The following HES7 variants were observed in gnomAD, a reference collection of about 807,000 sequenced individuals.
HES7 encodes the protein transcription factor HES-7.
HES7 carries 8 observed loss-of-function variants against 18.0 expected under a neutral mutation model. The observed-to-expected ratio is 0.45, with a 90% CI of 0.26 to 0.80. The LOEUF is 0.80. Among genes scored for constraint, HES7 ranks in the 30% least tolerant of loss-of-function variants. HES7 has a pLI of 0.18. For missense variants in HES7, 356 were observed against 340.9 expected (o/e 1.04, Z -0.35); for synonymous variants, 170 against 158.6 (o/e 1.07, Z -0.54).
In HES7 at chr17:8,121,984, C is replaced by A. The variant is rs1346333224; in HGVS notation, c.280G>T (p.Ala94Ser). The change falls in exon 4 of 4, where the codon GCC becomes TCC. Residue 94 changes from alanine (A) to serine (S), a missense_variant. Ala to Ser is a moderately conservative substitution (Grantham distance 99). Transcript: ENST00000541682. Reference sequence around the variant, plus strand: ...CGGAAACCGGACAAGTAGCAGCTGGCGAGCGCCTCGGCGTCCTGGACTGGG... The same window carrying A: ...CGGAAACCGGACAAGTAGCAGCTGGAGAGCGCCTCGGCGTCCTGGACTGGG... ...RSPVQDAEAL[A>S]SCYLSGFREC... 1 of 1,535,680 alleles carries A rather than the reference C, an allele frequency of 6.5e-7. No homozygotes were observed. The highest frequency in any genetic ancestry group is 1.4e-5 in the African/African-American group (1 of 70,900).
Position 8,120,962 on chromosome 17 carries a change from G to A in HES7, c.*609C>T, listed in dbSNP as rs904781013. 1.3e-5 allele frequency: 2 copies of A among 152,710 alleles called. No homozygotes were observed. The highest frequency in any genetic ancestry group is 2.4e-5 in the African/African-American group (1 of 41,450). 9.5% of individuals were successfully genotyped at this position (152,710 alleles called of 1,614,324 possible). A position where few individuals can be genotyped will look rare whatever the true frequency, so the allele number is the denominator to read the frequency against. ...CAATGGATAGCGCATTGGACTTCTA[G>A]TGACGAATAGAGCAATTCAAAGGTT... On this transcript the variant is annotated 3_prime_UTR_variant, in exon 4 of 4. Transcript: ENST00000541682.
At position 8,122,034 on chromosome 17, in the gene HES7, G is replaced by C; in HGVS notation, c.230C>G (p.Ala77Gly). Reference protein sequence around the residue: ...RERSRVEPPAAAAPGVPRSPV... With the variant: ...RERSRVEPPAGAAPGVPRSPV... ...GGACCGGGGAACCCCTGGAGCCGCG[G>C]CGGCTGGTGCGGCCGGCGGGAGCAC... The change falls in exon 4 of 4, where the codon GCC becomes GGC. Residue 77 changes from alanine (A) to glycine (G), a missense_variant. Transcript: ENST00000541682. This position sits in a 1 kb window ranked among gnomAD's most constrained non-coding sequence, Gnocchi z 6.9. 6.7e-7 allele frequency: 1 copy of C among 1,502,838 alleles called. No individual in the cohort carries two copies. The highest frequency in any genetic ancestry group is 8.8e-7 in the Non-Finnish European group (1 of 1,134,772). 93.1% of individuals were successfully genotyped at this position (1,502,838 alleles called of 1,614,324 possible). A position where few individuals can be genotyped will look rare whatever the true frequency, so the allele number is the denominator to read the frequency against.
chr17:8,123,402 CG>C lies in HES7; in HGVS notation c.43-277del, dbSNP rs1051538192. On this transcript the variant is annotated intron_variant, in intron 1 of 3. Coordinates refer to ENST00000541682, the MANE Select transcript of HES7 (RefSeq NM_001165967.2). The surrounding 1 kb of genome is among the most constrained non-coding windows in gnomAD (Gnocchi z 5.9). ...TGTCTCTCCTCCTCTTTTCTCTCTA[CG>C]TCTCCGTCTGGTGCAGTTTCTCTTT... 1.5e-5 allele frequency: 8 copies of C among 545,010 alleles called. No homozygotes were observed. The highest frequency in any genetic ancestry group is 2.3e-5 in the Non-Finnish European group (7 of 302,110). The allele number at this position is 545,010 out of a possible 1,614,324, so 33.8% of individuals were successfully genotyped here.
rs2151853493 is a variant in HES7, at chr17:8,121,812, G to C, written c.452C>G (p.Ser151Cys). The change falls in exon 4 of 4, where the codon TCC becomes TGC. Residue 151 changes from serine (S) to cysteine (C), a missense_variant. Ser to Cys is a moderately radical substitution (Grantham distance 112, BLOSUM62 -1). Transcript: ENST00000541682. ...AAGGGCCGGTGCGGCGGGGTCCAGG[G>C]ATGGGCGCGGCGCTGGAGGCCTCGG... ...VDPRPPAPRP[S>C]LDPAAPALGP... 6.4e-7 allele frequency: 1 copy of C among 1,566,354 alleles called. No individual in the cohort carries two copies. Among genetic ancestry groups the C allele is most frequent in the South Asian group, 1.1e-5 (1 of 88,060 alleles).
Position 8,122,511 on chromosome 17 carries a change from C to T in HES7, c.139-81G>A. ...AGTGGCAGGGGGAAGAAGGGAGGGA[C>T]GGATGCGGGAGCTGGTGGTGCCCCC... On this transcript the variant is annotated intron_variant, in intron 2 of 3. Transcript: ENST00000541682. The surrounding 1 kb of genome is among the most constrained non-coding windows in gnomAD (Gnocchi z 6.9). 3.0e-6 allele frequency: 3 copies of T among 989,060 alleles called. No individual in the cohort carries two copies. Among genetic ancestry groups the T allele is most frequent in the Non-Finnish European group, 4.7e-6 (3 of 641,718 alleles). The allele number at this position is 989,060 out of a possible 1,614,324, so 61.3% of individuals were successfully genotyped here.
upstream of HES7, among the ~76,000 whole-genome samples, chr17:8,125,948 C>A (rs1196168405): frequency 6.6e-6 from 1 of 152,158 alleles, no homozygotes; most frequent in Non-Finnish European, 1.5e-5. Flanking sequence ...AGTTTGCAGC[C>A]CCAGGCCTAA....
chr17:8,125,826 T>C (rs1247745579), upstream of HES7, among the ~76,000 whole-genome samples: 3 of 152,120 alleles, frequency 2.0e-5, no homozygotes, highest in African/African-American at 7.2e-5. Flanking sequence ...ACGAGTACAG[T>C]TTTCTTTTCT....
chr17:8,122,536 C>T lies in HES7; in HGVS notation c.139-106G>A, dbSNP rs570742194. On this transcript the variant is annotated intron_variant, in intron 2 of 3. Coordinates refer to ENST00000541682, the MANE Select transcript of HES7 (RefSeq NM_001165967.2). This position sits in a 1 kb window ranked among gnomAD's most constrained non-coding sequence, Gnocchi z 6.9. Reference sequence around the variant, plus strand: ...CGGATGCGGGAGCTGGTGGTGCCCCCGATCGCATTTGCGCACTGCCCACAG... The same window carrying T: ...CGGATGCGGGAGCTGGTGGTGCCCCTGATCGCATTTGCGCACTGCCCACAG... 1 of 813,094 alleles carries T rather than the reference C, an allele frequency of 1.2e-6. No homozygotes were observed. The highest frequency in any genetic ancestry group is 2.1e-6 in the Non-Finnish European group (1 of 487,684). The allele number at this position is 813,094 out of a possible 1,614,324, so 50.4% of individuals were successfully genotyped here. A position where few individuals can be genotyped will look rare whatever the true frequency, so the allele number is the denominator to read the frequency against.
chr17:8,125,809 C>G (rs1359039697), upstream of HES7, among the ~76,000 whole-genome samples: 1 of 152,090 alleles, frequency 6.6e-6, no homozygotes, highest in Non-Finnish European at 1.5e-5. Context: ...CGATTCCCGG[C>G]CAATGCACGA....
Position 8,123,108 on chromosome 17 carries a change from C to A in HES7, c.61G>T (p.Glu21Ter). The change falls in exon 2 of 4, where the codon GAG (glutamate) becomes TAG (stop). Residue 21 changes from glutamate (E) to a stop codon, truncating the protein, a stop_gained. Coordinates refer to ENST00000541682, the MANE Select transcript of HES7 (RefSeq NM_001165967.2). LOFTEE classifies it high-confidence loss of function. The surrounding 1 kb of genome is among the most constrained non-coding windows in gnomAD (Gnocchi z 5.9). ...TTGATGCGGTCCCGGCGCCGCTTCTCCACAAGCGGCTTGAGCATCTGCGAC... is the reference window on the plus strand; with the variant it reads ...TTGATGCGGTCCCGGCGCCGCTTCTACACAAGCGGCTTGAGCATCTGCGAC... ...DGPKMLKPLVEKRRRDRINRS... is the reference protein window; with the variant it reads ...DGPKMLKPLV The A allele has an allele frequency of 1.2e-6, 2 of 1,607,480 alleles. No homozygotes were observed. The highest frequency in any genetic ancestry group is 2.2e-5 in the South Asian group (2 of 89,858).
chr17:8,123,475 C>A lies in HES7; in HGVS notation c.43-349G>T, dbSNP rs998865174. Reference sequence around the variant, plus strand: ...GACTCTCTGCGCGCACGCACGTGCGCCGCACGGTGCCGGGCTCAGACCTGG... The same window carrying A: ...GACTCTCTGCGCGCACGCACGTGCGACGCACGGTGCCGGGCTCAGACCTGG... On this transcript the variant is annotated intron_variant, in intron 1 of 3. Transcript: ENST00000541682. This position sits in a 1 kb window ranked among gnomAD's most constrained non-coding sequence, Gnocchi z 5.9. 2.5e-6 allele frequency: 1 copy of A among 404,594 alleles called. No homozygotes were observed. Among genetic ancestry groups the A allele is most frequent in the African/African-American group, 2.0e-5 (1 of 49,524 alleles). 25.1% of individuals were successfully genotyped at this position (404,594 alleles called of 1,614,324 possible). A position where few individuals can be genotyped will look rare whatever the true frequency, so the allele number is the denominator to read the frequency against.
Position 8,121,707 on chromosome 17 carries a change from GA to G in HES7, c.556del (p.Ser186ProfsTer188). 12 of 1,353,638 alleles carry G rather than the reference GA, an allele frequency of 8.9e-6. No individual in the cohort carries two copies. Among genetic ancestry groups the G allele is most frequent in the Non-Finnish European group, 1.0e-5 (11 of 1,060,720 alleles). The allele number at this position is 1,353,638 out of a possible 1,614,324, so 83.9% of individuals were successfully genotyped here. A position where few individuals can be genotyped will look rare whatever the true frequency, so the allele number is the denominator to read the frequency against. On this transcript the variant is annotated frameshift_variant, in exon 4 of 4. Coordinates refer to ENST00000541682, the MANE Select transcript of HES7 (RefSeq NM_001165967.2). LOFTEE classifies it high-confidence loss of function. ...CGCGCCAGAATCCCCGGCGCGCGGG[GA>G]GCAGAGGGATGGGGACCATGCGCAG... ...PRCAWSPSLC[S>X]PRAGDSGAPA...
rs777228993 is a variant in HES7 at position 8,121,906 on chromosome 17, G to T, written c.358C>A (p.Arg120Ser). Residue 120 changes from arginine to serine, a missense_variant, in exon 4 of 4, where the codon CGC becomes AGC. Physicochemically the swap from Arg to Ser is moderately radical, Grantham distance 110. Coordinates refer to ENST00000541682, the MANE Select transcript of HES7 (RefSeq NM_001165967.2). The stretch of plus-strand genomic sequence containing the variant: ...TGCAGCGCGGAGAAGAGCTGGGCGC[G>T]GGCGGCCGGGCTGGCGTCGTGCGCG... ...AFAHDASPAA[R>S]AQLFSALHGY... 6.4e-7 allele frequency: 1 copy of T among 1,565,506 alleles called. No homozygotes were observed.
chr17:8,124,124 C>CT, upstream of HES7: 1 of 1,613,626 alleles, frequency 6.2e-7, no homozygotes, highest in Non-Finnish European at 8.5e-7. Context: ...CCCTGCTCGC[C>CT]TGGAGCCTTA....
chr17:8,125,484 A>T (rs1455064729), upstream of HES7, among the ~76,000 whole-genome samples: 1 of 152,096 alleles, frequency 6.6e-6, no homozygotes, highest in Non-Finnish European at 1.5e-5. Context: ...CTCCTTGGGA[A>T]CCTGGGCTCG....
rs2151854659 is a variant in HES7, at chr17:8,123,690, A to C, written c.42+353T>G. On this transcript the variant is annotated intron_variant, in intron 1 of 3. Coordinates refer to ENST00000541682, the MANE Select transcript of HES7 (RefSeq NM_001165967.2). This position sits in a 1 kb window ranked among gnomAD's most constrained non-coding sequence, Gnocchi z 5.9. ...CCAGCCCCGCCCGGCTCACAGCCAG[A>C]GTGGAGCAAGTGCCTATCCTCTTCT... Among the ~76,000 whole-genome samples the C allele has an allele frequency of 6.6e-6, 1 of 152,266 alleles. No homozygotes were observed. Among genetic ancestry groups the C allele is most frequent in the South Asian group, 2.1e-4 (1 of 4,830 alleles).
chr17:8,125,290 A>G (rs931479453), upstream of HES7, among the ~76,000 whole-genome samples: 1 of 152,058 alleles, frequency 6.6e-6, no homozygotes, highest in African/African-American at 2.4e-5. Context: ...AGCCCTCCCA[A>G]CGGCCCTCCG....
At position 8,122,472 on chromosome 17, in the gene HES7, G is replaced by C; in HGVS notation, c.139-42C>G. ...AGGGCGCAGAGACAGAAAGGGGTGG[G>C]GAGAAAGGGGGAAAGTGGCAGGGGG... On this transcript the variant is annotated intron_variant, in intron 2 of 3. Coordinates refer to ENST00000541682, the MANE Select transcript of HES7 (RefSeq NM_001165967.2). This position sits in a 1 kb window ranked among gnomAD's most constrained non-coding sequence, Gnocchi z 6.9. 7.4e-7 allele frequency: 1 copy of C among 1,354,202 alleles called. No homozygotes were observed. The highest frequency in any genetic ancestry group is 1.0e-6 in the Non-Finnish European group (1 of 967,754). The allele number at this position is 1,354,202 out of a possible 1,614,324, so 83.9% of individuals were successfully genotyped here.
Position 8,121,353 on chromosome 17 carries a change from G to A in HES7, c.*218C>T. 2.5e-6 allele frequency: 1 copy of A among 394,068 alleles called. No individual in the cohort carries two copies. The highest frequency in any genetic ancestry group is 4.4e-6 in the Non-Finnish European group (1 of 225,008). 24.4% of individuals were successfully genotyped at this position (394,068 alleles called of 1,614,324 possible). ...GGGCAGAGAGAGTACAATCCTAGAC[G>A]CAAGGGAGAAGTTGGGGCAGGGAAA... On this transcript the variant is annotated 3_prime_UTR_variant, in exon 4 of 4. Transcript: ENST00000541682.
Sources: allele counts gnomAD v4.1 joint callset (sites outside exome capture counted in the v4.1 genomes callset), GRCh38; gene constraint gnomAD v4.1.1; non-coding constraint Gnocchi (gnomAD v3.1); transcripts MANE v1.5; gene names NCBI Gene and HGNC (gene_info 2026-07-23, HGNC 2026-07-21).